ATRN: variants seen among roughly 807,000 people sequenced by gnomAD.
The protein encoded by ATRN is attractin-2.
In ATRN, 54 loss-of-function variants were observed where a neutral mutation model predicts 178.7. That is an observed-to-expected ratio of 0.30 (90% CI 0.24 to 0.38). The LOEUF (loss-of-function observed/expected upper bound fraction) is 0.38. Ranked by LOEUF, ATRN falls within the 10% of genes least tolerant of loss-of-function variation. The probability of loss-of-function intolerance (pLI) is 1.00; values close to 1 mark genes in which losing one functional copy is unlikely to be tolerated. For missense variants in ATRN, 1,443 were observed against 1,815.1 expected (o/e 0.79, Z 3.73); for synonymous variants, 636 against 663.0 (o/e 0.96, Z 0.63).
intron 8 of ATRN, among the ~76,000 whole-genome samples, chr20:3,561,729 T>G (rs2085955425): frequency 6.6e-6 from 1 of 152,110 alleles, no homozygotes; most frequent in Non-Finnish European, 1.5e-5. Context: ...TTCATTTGAG[T>G]GAACATTTTA....
chr20:3,609,477 CACTTTG>C (rs1428536583), intron 24 of ATRN, among the ~76,000 whole-genome samples: 1 of 152,128 alleles, frequency 6.6e-6, no homozygotes, highest in Non-Finnish European at 1.5e-5. Flanking sequence ...CAAATAGGGA[CACTTTG>C]ACTTCCTCCT....
intron 18 of ATRN, among the ~76,000 whole-genome samples, chr20:3,590,396 G>A (rs1162098602): frequency 6.6e-6 from 1 of 152,202 alleles, no homozygotes; most frequent in South Asian, 2.1e-4. Context: ...TACAGTGCAG[G>A]TTGTGCACTA....
At chr20:3,524,032 C>A (rs999205762) in intron 1 of ATRN, among the ~76,000 whole-genome samples, 3 of 152,084 alleles carry the variant, frequency 2.0e-5, no homozygotes, top group Non-Finnish European at 4.4e-5. Context: ...AACCAGCTAG[C>A]ATCATAATGA....
At chr20:3,507,461 C>G (rs898357373) in intron 1 of ATRN, among the ~76,000 whole-genome samples, 1 of 150,910 alleles carries the variant, frequency 6.6e-6, no homozygotes, top group South Asian at 2.1e-4. Context: ...ATTACTTTTG[C>G]ACATACCGAA....
intron 24 of ATRN, among the ~76,000 whole-genome samples, chr20:3,622,417 G>A (rs1420113427): frequency 6.6e-6 from 1 of 152,234 alleles, no homozygotes; most frequent in African/African-American, 2.4e-5. Flanking sequence ...GGATTTTACA[G>A]TTGGTTGGCA....
At chr20:3,571,992 G>A (rs1412156565) in intron 11 of ATRN, among the ~76,000 whole-genome samples, 1 of 152,038 alleles carries the variant, frequency 6.6e-6, no homozygotes, top group Non-Finnish European at 1.5e-5. Context: ...ATCCCAGAAT[G>A]TAGAGAAATA....
At chr20:3,553,327 T>C (rs989597779) in intron 6 of ATRN, among the ~76,000 whole-genome samples, 3 of 152,190 alleles carry the variant, frequency 2.0e-5, no homozygotes, top group Non-Finnish European at 2.9e-5. Flanking sequence ...CATATGTTCT[T>C]CTCTTCGTAC....
chr20:3,556,563 G>A (rs1276007006), intron 6 of ATRN, among the ~76,000 whole-genome samples: 2 of 152,160 alleles, frequency 1.3e-5, no homozygotes, highest in Non-Finnish European at 2.9e-5. Context: ...TAGAGGGGTC[G>A]AGGGAGGTGC....
At chr20:3,528,428 G>GTTCA (rs2083648449) in intron 1 of ATRN, among the ~76,000 whole-genome samples, 1 of 152,050 alleles carries the variant, frequency 6.6e-6, no homozygotes, top group Non-Finnish European at 1.5e-5. Flanking sequence ...AATGAATGCA[G>GTTCA]TTGTGTCCTT....
At chr20:3,554,029 A>G (rs933134534) in intron 6 of ATRN, among the ~76,000 whole-genome samples, 68 of 152,304 alleles carry the variant, frequency 4.5e-4, no homozygotes, top group East Asian at 1.3e-3. Context: ...ATAGGTATTT[A>G]TCAGATAAAC....
intron 11 of ATRN, among the ~76,000 whole-genome samples, chr20:3,566,719 C>A (rs2086040985): frequency 6.6e-6 from 1 of 152,034 alleles, no homozygotes; most frequent in Non-Finnish European, 1.5e-5. Context: ...CCCTGGTCAA[C>A]ATGGCAAAAC....
chr20:3,565,461 T>C lies in ATRN; in HGVS notation c.1871+29T>C, dbSNP rs543756221. On this transcript the variant is annotated intron_variant, in intron 11 of 28. Coordinates refer to ENST00000262919, the MANE Select transcript of ATRN (RefSeq NM_139321.3). ...ATTGGAGAAGTGATTGCTCCTTTTC[T>C]TTTGTGTTTAAAATGAAAATAAAGG... is the stretch of plus-strand genomic sequence containing the variant. The C allele has an allele frequency of 8.4e-5, 133 of 1,582,876 alleles. No individual in the cohort carries two copies. In the East Asian group the frequency reaches 2.8e-3, roughly 33 times the overall value.
At chr20:3,513,331 AG>A (rs1410639595) in intron 1 of ATRN, among the ~76,000 whole-genome samples, 1 of 152,202 alleles carries the variant, frequency 6.6e-6, no homozygotes, top group African/African-American at 2.4e-5. Context: ...ACATATGGCT[AG>A]CCAGTTTTCC....
At chr20:3,595,333 A>G (rs919876592) in intron 20 of ATRN, among the ~76,000 whole-genome samples, 3 of 152,240 alleles carry the variant, frequency 2.0e-5, no homozygotes, top group Non-Finnish European at 2.9e-5. Flanking sequence ...AAAAAACTTA[A>G]AAAGTGTTTA....
intron 18 of ATRN, among the ~76,000 whole-genome samples, chr20:3,588,981 G>GCTTT (rs2086397510): frequency 1.0e-5 from 1 of 99,774 alleles, no homozygotes. Context: ...ATTTTCTTTT[G>GCTTT]TTTTTTTTTT....
At chr20:3,627,415 C>T (rs1355982253) in intron 25 of ATRN, among the ~76,000 whole-genome samples, 3 of 152,120 alleles carry the variant, frequency 2.0e-5, no homozygotes, top group African/African-American at 4.8e-5. Context: ...TAACTCAGAA[C>T]TGCTAATTAA....
At chr20:3,517,741 A>C (rs2085225366) in intron 1 of ATRN, among the ~76,000 whole-genome samples, 1 of 151,826 alleles carries the variant, frequency 6.6e-6, no homozygotes, top group South Asian at 2.1e-4. Flanking sequence ...ACTGCACTCC[A>C]GCCTGGGTGA....
chr20:3,611,793 G>A (rs2086770594), intron 24 of ATRN, among the ~76,000 whole-genome samples: 1 of 152,136 alleles, frequency 6.6e-6, no homozygotes. Flanking sequence ...AGCACAATGA[G>A]ATAACACTAC....
chr20:3,650,643 G>A lies in ATRN; in HGVS notation c.*3796G>A, dbSNP rs1391186566. ...GAGAGTCAAACACCCTGCCTACAAGGAGATGTTTTGAAATGGAGAGGAAAA... is the reference window on the plus strand; with the variant it reads ...GAGAGTCAAACACCCTGCCTACAAGAAGATGTTTTGAAATGGAGAGGAAAA... On this transcript the variant is annotated 3_prime_UTR_variant, in exon 29 of 29. Transcript: ENST00000262919. 1 of 152,352 alleles carries A rather than the reference G, an allele frequency of 6.6e-6. No individual in the cohort carries two copies. The highest frequency in any genetic ancestry group is 1.5e-5 in the Non-Finnish European group (1 of 68,036). 9.4% of individuals were successfully genotyped at this position (152,352 alleles called of 1,614,324 possible).
Sources: gnomAD v4.1 joint callset for allele counts (sites outside exome capture counted in the v4.1 genomes callset) on GRCh38, gnomAD v4.1.1 for gene constraint, MANE v1.5 for transcripts, NCBI Gene and HGNC (gene_info 2026-07-23, HGNC 2026-07-21) for gene names.